The following DYTN variants were observed in gnomAD, a reference collection of about 807,000 sequenced individuals.
DYTN encodes the protein dystrotelin.
In DYTN, 75 loss-of-function variants were observed where a neutral mutation model predicts 69.6. That is an observed-to-expected ratio of 1.08 (90% CI 0.89 to 1.31). The LOEUF is 1.31. Among genes scored for constraint, DYTN ranks in the 50% most tolerant of loss-of-function variants. The pLI is 0.00. For synonymous variants in DYTN, 252 were observed against 249.1 expected (o/e 1.01, Z -0.11); for missense variants, 726 against 688.4 (o/e 1.05, Z -0.61).
At chr2:206,714,637 T>C (rs1700110489) in intron 1 of DYTN, among the ~76,000 whole-genome samples, 1 of 152,130 alleles carries the variant, frequency 6.6e-6, no homozygotes, top group African/African-American at 2.4e-5. Context: ...CTGACTAAGA[T>C]TGGGTTTAGG....
chr2:206,699,288 C>T (rs1699951446), intron 7 of DYTN, among the ~76,000 whole-genome samples: 1 of 152,092 alleles, frequency 6.6e-6, no homozygotes, highest in South Asian at 2.1e-4. Flanking sequence ...AGAAAATTAG[C>T]TGGGCATGGT....
rs1402426957 is a variant in DYTN, at chr2:206,700,035, T to C, written c.555+110A>G. ...TGAGACTACCTCCTAAATTCAGTTATCTGAGATGCTATGTGGAGTAATAAT... is the reference window on the plus strand; with the variant it reads ...TGAGACTACCTCCTAAATTCAGTTACCTGAGATGCTATGTGGAGTAATAAT... On this transcript the variant is annotated intron_variant, in intron 6 of 11. Coordinates refer to ENST00000452335, the MANE Select transcript of DYTN (RefSeq NM_001093730.1). The C allele has an allele frequency of 3.2e-6, 5 of 1,549,744 alleles. No homozygotes were observed. The Admixed American group carries it at 5.3e-5, about 16-fold the overall frequency.
chr2:206,694,765 C>A lies in DYTN; in HGVS notation c.831+1G>T. 6.3e-7 allele frequency: 1 copy of A among 1,597,128 alleles called. No homozygotes were observed. On this transcript the variant is annotated splice_donor_variant, in intron 8 of 11. Transcript: ENST00000452335. LOFTEE classifies it high-confidence loss of function. ...GTTTGGTATGTGACATTAAATGTTA[C>A]CTGAATGCAGTGCTCAATGACAGGA... is the stretch of plus-strand genomic sequence containing the variant.
intron 11 of DYTN, 64 bp downstream of exon 11, chr2:206,662,839 A>G: frequency 6.5e-7 from 1 of 1,542,140 alleles, no homozygotes. Flanking sequence ...TATAAAATCA[A>G]GTTTTTAAAA....
chr2:206,659,994 T>C (rs1559304285), intron 11 of DYTN, among the ~76,000 whole-genome samples: 1 of 111,012 alleles, frequency 9.0e-6, no homozygotes, highest in Non-Finnish European at 2.0e-5. Context: ...TTGCAAAGTA[T>C]AAAGATGTGT....
chr2:206,680,472 T>A (rs1212022627), intron 9 of DYTN, among the ~76,000 whole-genome samples: 2 of 152,184 alleles, frequency 1.3e-5, no homozygotes, highest in Non-Finnish European at 2.9e-5. Context: ...AATGTTTTTT[T>A]AAAAAACAAG....
chr2:206,654,565 G>A (rs1357449882), intron 11 of DYTN, among the ~76,000 whole-genome samples: 2 of 152,294 alleles, frequency 1.3e-5, no homozygotes, highest in Admixed American at 1.3e-4. Flanking sequence ...GCTATTGGTA[G>A]TTAAGTTTTA....
intron 7 of DYTN, among the ~76,000 whole-genome samples, chr2:206,697,680 T>C (rs1486066686): frequency 1.3e-5 from 2 of 152,210 alleles, no homozygotes; most frequent in African/African-American, 4.8e-5. Context: ...AACCCCAAAC[T>C]GAGGTCTAGA....
rs1574592593 is a variant in DYTN, at chr2:206,677,100, C to A, written c.981-11071G>T. Among the ~76,000 whole-genome samples, 3 of 152,208 alleles carry A rather than the reference C, an allele frequency of 2.0e-5. No homozygotes were observed. The South Asian group carries it at 6.2e-4, about 32-fold the overall frequency. Reference sequence around the variant, plus strand: ...TAGCTGGGATTACCGGAGTGTGCCACCACGCCTGGCTAACTTTTTGTATTT... The same window carrying A: ...TAGCTGGGATTACCGGAGTGTGCCAACACGCCTGGCTAACTTTTTGTATTT... On this transcript the variant is annotated intron_variant, in intron 9 of 11. Transcript: ENST00000452335.
chr2:206,691,792 A>G (rs1311119028), intron 9 of DYTN, among the ~76,000 whole-genome samples: 1 of 152,190 alleles, frequency 6.6e-6, no homozygotes, highest in Non-Finnish European at 1.5e-5. Flanking sequence ...AAATACAACA[A>G]ACTTTAAAGC....
rs1699759301 is a variant in DYTN, at chr2:206,682,400, G to A, written c.980+10775C>T. On this transcript the variant is annotated intron_variant, in intron 9 of 11. Coordinates refer to ENST00000452335, the MANE Select transcript of DYTN (RefSeq NM_001093730.1). ...TTTGACCTAGCAGCAGCATTTGACA[G>A]TAGAACACCATGCTGTGTCCTTGAA... Among the ~76,000 whole-genome samples the A allele has an allele frequency of 2.0e-5, 3 of 151,446 alleles. No individual in the cohort carries two copies. In the South Asian group the frequency reaches 6.2e-4, roughly 31 times the overall value.
At chr2:206,708,610 C>T (rs1023990735) in intron 2 of DYTN, among the ~76,000 whole-genome samples, 1 of 152,210 alleles carries the variant, frequency 6.6e-6, no homozygotes, top group African/African-American at 2.4e-5. Context: ...ATTCTGAACA[C>T]AGGCCGATTT....
intron 9 of DYTN, among the ~76,000 whole-genome samples, chr2:206,684,283 A>G (rs1468391343): frequency 6.6e-6 from 1 of 152,112 alleles, no homozygotes; most frequent in Non-Finnish European, 1.5e-5. Flanking sequence ...AAATGATGAT[A>G]TGTCATTGTT....
chr2:206,698,911 G>A (rs562770805), intron 7 of DYTN, among the ~76,000 whole-genome samples: 1 of 152,336 alleles, frequency 6.6e-6, no homozygotes, highest in South Asian at 2.1e-4. Context: ...GCAAAGCAGG[G>A]ACTCCGGATT....
intron 9 of DYTN, among the ~76,000 whole-genome samples, chr2:206,692,072 T>C (rs1699869050): frequency 6.6e-6 from 1 of 152,036 alleles, no homozygotes; most frequent in African/African-American, 2.4e-5. Flanking sequence ...GCCAGGAGTT[T>C]AAGAACCCCT....
At chr2:206,652,327 T>A (rs1036750090) in intron 11 of DYTN, among the ~76,000 whole-genome samples, 4 of 152,196 alleles carry the variant, frequency 2.6e-5, no homozygotes, top group Non-Finnish European at 5.9e-5. Flanking sequence ...TCCCAGGTGA[T>A]ACTGATGCGG....
chr2:206,652,996 G>T (rs1699405113), intron 11 of DYTN, among the ~76,000 whole-genome samples: 1 of 152,106 alleles, frequency 6.6e-6, no homozygotes, highest in Non-Finnish European at 1.5e-5. Flanking sequence ...TATGTTAGTT[G>T]TTTACTTTAT....
chr2:206,714,481 C>T (rs58321821), intron 1 of DYTN, among the ~76,000 whole-genome samples: 36,379 of 152,114 alleles, frequency 0.24, 4,656 homozygotes, highest in African/African-American at 0.32. Context: ...GGATTACAGG[C>T]GTGAGCCACT....
intron 9 of DYTN, among the ~76,000 whole-genome samples, chr2:206,683,320 C>T (rs918962938): frequency 6.7e-6 from 1 of 150,228 alleles, no homozygotes; most frequent in Non-Finnish European, 1.5e-5. Context: ...CACTTCCTCA[C>T]CTCTTCTTTT....
Sources: allele counts gnomAD v4.1 joint callset (sites outside exome capture counted in the v4.1 genomes callset), GRCh38; gene constraint gnomAD v4.1.1; transcripts MANE v1.5; gene names NCBI Gene and HGNC (gene_info 2026-07-23, HGNC 2026-07-21).